The following FAT4 variants were observed in gnomAD, a reference collection of about 807,000 sequenced individuals.
The protein encoded by FAT4 is FAT atypical cadherin 4.
FAT4 carries 84 observed loss-of-function variants against 303.9 expected under a neutral mutation model. The ratio of observed to expected loss-of-function variants is 0.28; its 90% CI spans 0.23 to 0.33. The LOEUF (loss-of-function observed/expected upper bound fraction) is 0.33, where lower values mean the gene tolerates loss of function less well. FAT4 is among the 10% of genes least tolerant of loss of function. FAT4 has a pLI of 1.00. For missense variants in FAT4, 6,005 were observed against 6,146.8 expected, an observed-to-expected ratio of 0.98 and a Z score of 0.77; for synonymous variants, 2,307 against 2,298.8, an observed-to-expected ratio of 1.00 and a Z score of -0.10.
chr4:125,399,478 C>G (rs999365917), intron 3 of FAT4, among the ~76,000 whole-genome samples: 1 of 151,804 alleles, frequency 6.6e-6, no homozygotes, highest in African/African-American at 2.4e-5. Context: ...AACTAATGTT[C>G]TGGAGTTTAA....
In FAT4 at chr4:125,317,597, G is replaced by A. The variant is rs763440848; in HGVS notation, c.1186G>A (p.Val396Met). The A allele has an allele frequency of 8.1e-6, 13 of 1,613,912 alleles. No individual in the cohort carries two copies. Among genetic ancestry groups the A allele is most frequent in the Admixed American group, 5.0e-5 (3 of 60,016 alleles). ...DSPAANGNIS[V>M]QILGGNEQRH... Reference sequence around the variant, plus strand: ...TCCCGCGGCCAACGGGAACATCTCCGTGCAAATTCTCGGGGGCAATGAGCA... The same window carrying A: ...TCCCGCGGCCAACGGGAACATCTCCATGCAAATTCTCGGGGGCAATGAGCA... Residue 396 changes from valine (V) to methionine (M), a missense_variant, in exon 2 of 18, where the codon GTG becomes ATG. Val to Met is a conservative substitution (Grantham distance 21). Transcript: ENST00000394329. This position sits in a 1 kb window ranked among gnomAD's most constrained non-coding sequence, Gnocchi z 7.0.
rs556542399 is a variant in FAT4, at chr4:125,453,366, C to G, written c.11800+556C>G. 2.0e-5 allele frequency among the ~76,000 whole-genome samples: 3 copies of G among 152,124 alleles called. No homozygotes were observed. In the East Asian group the frequency reaches 5.8e-4, roughly 29 times the overall value. ...GTCGTCATTATTATCGAAATGTGAT[C>G]CACATCGTGAGAAGAGCGAGAATCA... On this transcript the variant is annotated intron_variant, in intron 10 of 17. Transcript: ENST00000394329.
chr4:125,323,567 A>G (rs1731039172), intron 2 of FAT4, among the ~76,000 whole-genome samples: 1 of 152,198 alleles, frequency 6.6e-6, no homozygotes, highest in Non-Finnish European at 1.5e-5. Context: ...CTGAAATTGT[A>G]AACCCAATTT....
At chr4:125,472,835 C>T (rs67558718) in intron 12 of FAT4, among the ~76,000 whole-genome samples, 58,202 of 151,972 alleles carry the variant, frequency 0.38, 11,180 homozygotes, top group Middle Eastern at 0.47. Flanking sequence ...ATGTCATTCA[C>T]GGATATCGCC....
At chr4:125,340,789 G>A (rs550357334) in intron 2 of FAT4, among the ~76,000 whole-genome samples, 1 of 152,108 alleles carries the variant, frequency 6.6e-6, no homozygotes, top group Non-Finnish European at 1.5e-5. Context: ...TAACAGCATA[G>A]TAACAGTAGT....
intron 2 of FAT4, among the ~76,000 whole-genome samples, chr4:125,339,473 G>A (rs1731696745): frequency 6.6e-6 from 1 of 152,030 alleles, no homozygotes; most frequent in Admixed American, 6.6e-5. Context: ...TGGGATTATA[G>A]GAGTGAACCA....
intron 7 of FAT4, among the ~76,000 whole-genome samples, chr4:125,428,704 TACA>T (rs986353375): frequency 6.6e-6 from 1 of 152,232 alleles, no homozygotes; most frequent in Non-Finnish European, 1.5e-5. Flanking sequence ...ACACACTACA[TACA>T]ACTTTACAAA....
chr4:125,434,306 T>C lies in FAT4; in HGVS notation c.7080T>C (p.Asn2360=), dbSNP rs552658366. ...TCATAGTAGATGATGTCAATGACAA[T>C]GTCCCCACATTTGCCAGTAAAGCGT... is the stretch of plus-strand genomic sequence containing the variant. ...INVIVDDVND[N]VPTFASKAYF... Residue 2360 remains asparagine (N), a synonymous_variant, in exon 8 of 18, where the codon AAT becomes AAC. Transcript: ENST00000394329. The C allele has an allele frequency of 5.2e-5, 84 of 1,614,090 alleles. No individual in the cohort carries two copies. The South Asian group carries it at 8.2e-4, about 16-fold the overall frequency.
chr4:125,457,976 C>T (rs369934860), intron 10 of FAT4, among the ~76,000 whole-genome samples: 9 of 152,010 alleles, frequency 5.9e-5, no homozygotes, highest in South Asian at 2.1e-4. Flanking sequence ...GCCAGGTTTT[C>T]GCTGTTTGCA....
chr4:125,429,120 A>C (rs1019352679), intron 7 of FAT4, among the ~76,000 whole-genome samples: 1 of 152,200 alleles, frequency 6.6e-6, no homozygotes, highest in Non-Finnish European at 1.5e-5. Flanking sequence ...GTAGTACACT[A>C]TCTGCAAAAC....
chr4:125,415,177 G>T lies in FAT4; in HGVS notation c.6214G>T (p.Ala2072Ser). The T allele has an allele frequency of 6.2e-7, 1 of 1,614,068 alleles. No homozygotes were observed. The highest frequency in any genetic ancestry group is 1.1e-5 in the South Asian group (1 of 91,078). Residue 2072 changes from alanine (A) to serine (S), a missense_variant, in exon 6 of 18, where the codon GCT becomes TCT. Physicochemically the swap from Ala to Ser is moderately conservative, Grantham distance 99. Transcript: ENST00000394329. Reference protein sequence around the residue: ...NTPIDTVVFKAQATDPDSGPN... With the variant: ...NTPIDTVVFKSQATDPDSGPN... ...ACCTATTGATACTGTTGTTTTCAAA[G>T]CTCAAGCAACTGACCCAGATAGTGG...
chr4:125,393,253 G>T (rs1294089024), intron 2 of FAT4, among the ~76,000 whole-genome samples: 2 of 152,086 alleles, frequency 1.3e-5, no homozygotes, highest in African/African-American at 4.8e-5. Context: ...CTGCAGAGAG[G>T]ATATGCATTT....
At chr4:125,412,319 AT>A (rs1734878928) in intron 5 of FAT4, among the ~76,000 whole-genome samples, 1 of 151,788 alleles carries the variant, frequency 6.6e-6, no homozygotes, top group Non-Finnish European at 1.5e-5. Flanking sequence ...ATGACCTGTA[AT>A]TGCAGCAATT....
intron 7 of FAT4, among the ~76,000 whole-genome samples, chr4:125,433,698 AGAAGATAACACTT>A: frequency 6.6e-6 from 1 of 152,224 alleles, no homozygotes; most frequent in Non-Finnish European, 1.5e-5. Context: ...TCTAGCACGT[AGAAGATAACACTT>A]TTGAGATATA....
At position 125,398,852 on chromosome 4, in the gene FAT4, G is replaced by T. The variant is rs368545850; in HGVS notation, c.5244G>T (p.Thr1748=). 1 of 1,613,062 alleles carries T rather than the reference G, an allele frequency of 6.2e-7. No homozygotes were observed. The highest frequency in any genetic ancestry group is 1.3e-5 in the African/African-American group (1 of 74,978). ...PVFPTDMLDL[T]VEENIGDGSK... ...TTCCAACGGACATGCTGGATCTCACGGTAGAGGAGAACATTGGAGATGGCT... is the reference window on the plus strand; with the variant it reads ...TTCCAACGGACATGCTGGATCTCACTGTAGAGGAGAACATTGGAGATGGCT... The change falls in exon 3 of 18, where the codon ACG becomes ACT. Residue 1748 remains threonine, a synonymous_variant. Coordinates refer to ENST00000394329, the MANE Select transcript of FAT4 (RefSeq NM_001291303.3).
At chr4:125,379,209 C>G (rs1044742291) in intron 2 of FAT4, among the ~76,000 whole-genome samples, 1 of 148,350 alleles carries the variant, frequency 6.7e-6, no homozygotes, top group Non-Finnish European at 1.5e-5. Context: ...CATGTTAAAG[C>G]AAATTAAAAA....
At chr4:125,357,795 C>T (rs1045915863) in intron 2 of FAT4, among the ~76,000 whole-genome samples, 3 of 152,084 alleles carry the variant, frequency 2.0e-5, no homozygotes, top group Non-Finnish European at 2.9e-5. Flanking sequence ...AGGGGGTTGT[C>T]ATTTACCGTG....
At chr4:125,347,693 T>A (rs1649164018) in intron 2 of FAT4, among the ~76,000 whole-genome samples, 1 of 151,760 alleles carries the variant, frequency 6.6e-6, no homozygotes. Flanking sequence ...CTTATCAGAC[T>A]ACAATAGAAA....
intron 2 of FAT4, among the ~76,000 whole-genome samples, chr4:125,375,079 A>G (rs1378717784): frequency 6.6e-6 from 1 of 152,150 alleles, no homozygotes; most frequent in Non-Finnish European, 1.5e-5. Flanking sequence ...TTTTTATTTT[A>G]TTTATTTAAA....
Sources: allele counts gnomAD v4.1 joint callset (sites outside exome capture counted in the v4.1 genomes callset), GRCh38; gene constraint gnomAD v4.1.1; non-coding constraint Gnocchi (gnomAD v3.1); transcripts MANE v1.5; gene names NCBI Gene and HGNC (gene_info 2026-07-23, HGNC 2026-07-21).